Variants in EGFLAM observed in about 807,000 individuals in gnomAD.
EGFLAM encodes the protein EGF like, fibronectin type III and laminin G domains, also known as pikachurin.
EGFLAM carries 79 observed loss-of-function variants against 113.1 expected under a neutral mutation model. That is an observed-to-expected ratio of 0.70 (90% confidence interval 0.58 to 0.84). The LOEUF is 0.84. EGFLAM is among the 40% of genes least tolerant of loss of function. The pLI, the probability that EGFLAM is intolerant of heterozygous loss-of-function variation, is 0.00. For synonymous variants in EGFLAM, 504 were observed against 487.6 expected (o/e 1.03, Z -0.44); for missense variants, 1,265 against 1,291.6 (o/e 0.98, Z 0.32).
chr5:38,285,079 A>G (rs1371762534), intron 1 of EGFLAM, among the ~76,000 whole-genome samples: 1 of 152,144 alleles, frequency 6.6e-6, no homozygotes, highest in Admixed American at 6.5e-5. Flanking sequence ...TTGATTGTAG[A>G]AGTTAAGGGG....
intron 12 of EGFLAM, among the ~76,000 whole-genome samples, chr5:38,422,373 T>G (rs921890923): frequency 8.5e-5 from 13 of 152,194 alleles, no homozygotes; most frequent in Non-Finnish European, 1.9e-4. Flanking sequence ...AGCTACACTC[T>G]GCACTCACCC....
chr5:38,278,390 A>G (rs1757937487), intron 1 of EGFLAM, among the ~76,000 whole-genome samples: 1 of 152,228 alleles, frequency 6.6e-6, no homozygotes. Context: ...TACAAAAATC[A>G]ACTCAAACTG....
At chr5:38,374,670 C>T (rs1292883036) in intron 6 of EGFLAM, among the ~76,000 whole-genome samples, 24 of 152,190 alleles carry the variant, frequency 1.6e-4, no homozygotes, top group African/African-American at 2.4e-5. Flanking sequence ...ATTTCTAATC[C>T]TGTAGCTAGT....
At chr5:38,355,825 ATCTC>A (rs1431774540) in intron 5 of EGFLAM, among the ~76,000 whole-genome samples, 3 of 152,220 alleles carry the variant, frequency 2.0e-5, no homozygotes, top group Middle Eastern at 3.2e-3. Context: ...CAACAGCATG[ATCTC>A]AGCTCACTGC....
intron 6 of EGFLAM, among the ~76,000 whole-genome samples, chr5:38,384,975 TTGCAA>T (rs1740618971): frequency 6.6e-6 from 1 of 152,198 alleles, no homozygotes; most frequent in South Asian, 2.1e-4. Context: ...TATGAATACC[TTGCAA>T]TGCACAGAAC....
intron 1 of EGFLAM, among the ~76,000 whole-genome samples, chr5:38,299,777 A>C (rs1021410515): frequency 1.3e-5 from 2 of 152,052 alleles, no homozygotes; most frequent in African/African-American, 2.4e-5. Flanking sequence ...CTGGTTCTTC[A>C]TTTGCCTTCT....
At chr5:38,308,215 A>G (rs182356821) in intron 1 of EGFLAM, among the ~76,000 whole-genome samples, 7 of 152,368 alleles carry the variant, frequency 4.6e-5, no homozygotes, top group Admixed American at 3.9e-4. Context: ...GCACAGCCAC[A>G]GAGTTCTTGT....
chr5:38,434,865 G>T (rs1742294646), intron 15 of EGFLAM, among the ~76,000 whole-genome samples: 1 of 152,208 alleles, frequency 6.6e-6, no homozygotes, highest in Non-Finnish European at 1.5e-5. Context: ...CAGTCATCAT[G>T]ACATAGCTAT....
chr5:38,462,154 G>A (rs1424972367), intron 20 of EGFLAM, among the ~76,000 whole-genome samples: 4 of 152,116 alleles, frequency 2.6e-5, no homozygotes, highest in African/African-American at 4.8e-5. Context: ...GGGCGACAGC[G>A]GGACTCCGTC....
intron 17 of EGFLAM, among the ~76,000 whole-genome samples, chr5:38,443,367 T>G (rs2956596): frequency 6.6e-6 from 1 of 152,066 alleles, no homozygotes; most frequent in African/African-American, 2.4e-5. Context: ...ACCAACTACA[T>G]GAGCCAAATT....
chr5:38,328,474 A>G (rs915738706), intron 1 of EGFLAM, among the ~76,000 whole-genome samples: 2 of 152,102 alleles, frequency 1.3e-5, no homozygotes, highest in African/African-American at 2.4e-5. Context: ...AAGGATAAGA[A>G]CGGATTTATG....
intron 1 of EGFLAM, among the ~76,000 whole-genome samples, chr5:38,336,606 C>G (rs1262034966): frequency 6.6e-6 from 1 of 151,470 alleles, no homozygotes; most frequent in East Asian, 1.9e-4. Context: ...CACAGACACA[C>G]AGACACACAC....
At position 38,307,403 on chromosome 5, in the gene EGFLAM, C is replaced by T. The variant is rs1758749854; in HGVS notation, c.98-30117C>T. 2.0e-5 allele frequency among the ~76,000 whole-genome samples: 3 copies of T among 152,210 alleles called. No individual in the cohort carries two copies. The South Asian group carries it at 6.2e-4, about 32-fold the overall frequency. ...GTTCTCATGATAATGAGTGAATTCTCACAAGATCTGATGGTTTTATGGGGG... is the reference window on the plus strand; with the variant it reads ...GTTCTCATGATAATGAGTGAATTCTTACAAGATCTGATGGTTTTATGGGGG... On this transcript the variant is annotated intron_variant, in intron 1 of 21. Transcript: ENST00000322350.
chr5:38,351,225 C>G (rs758777444), intron 4 of EGFLAM, among the ~76,000 whole-genome samples: 2 of 151,776 alleles, frequency 1.3e-5, no homozygotes, highest in Non-Finnish European at 2.9e-5. Context: ...TCTTCTGCCT[C>G]AGCCTCCCGA....
rs1183056730 is a variant in EGFLAM, at chr5:38,407,008, G to A, written c.1009G>A (p.Ala337Thr). ...ACAGAGAAAGGGGAAGAATGGTGTG[G>A]CCATAATGTCAAGGCTCTTTGACAT... ...PIQRKGKNGV[A>T]IMSRLFDMPC... The change falls in exon 8 of 22, where the codon GCC (alanine) becomes ACC (threonine). Residue 337 changes from alanine (A) to threonine (T), a missense_variant. By Grantham distance (58) the Ala-to-Thr change is moderately conservative. Transcript: ENST00000322350. 1.2e-6 allele frequency: 2 copies of A among 1,614,052 alleles called. No individual in the cohort carries two copies. Among genetic ancestry groups the A allele is most frequent in the African/African-American group, 2.7e-5 (2 of 74,924 alleles).
intron 11 of EGFLAM, among the ~76,000 whole-genome samples, chr5:38,415,970 G>A (rs1478856770): frequency 6.6e-6 from 1 of 152,004 alleles, no homozygotes; most frequent in Non-Finnish European, 1.5e-5. Flanking sequence ...ACCTCCCACT[G>A]AGTCCCTCCC....
chr5:38,274,154 T>C (rs1205678846), intron 1 of EGFLAM, among the ~76,000 whole-genome samples: 1 of 151,666 alleles, frequency 6.6e-6, no homozygotes, highest in Non-Finnish European at 1.5e-5. Context: ...ACAGCGAGGA[T>C]TAAAAAGAAA....
intron 14 of EGFLAM, chr5:38,430,113 A>G: frequency 4.4e-6 from 1 of 226,750 alleles, no homozygotes; most frequent in East Asian, 1.1e-4. Context: ...TCGGAGTAGC[A>G]TCTGGCCAGG....
At chr5:38,300,944 A>G (rs1282689597) in intron 1 of EGFLAM, among the ~76,000 whole-genome samples, 1 of 152,208 alleles carries the variant, frequency 6.6e-6, no homozygotes. Flanking sequence ...AGCCTGAGCA[A>G]CTAGAAGGAA....
Sources: allele counts gnomAD v4.1 joint callset (sites outside exome capture counted in the v4.1 genomes callset), GRCh38; gene constraint gnomAD v4.1.1; transcripts MANE v1.5; gene names NCBI Gene and HGNC (gene_info 2026-07-23, HGNC 2026-07-21).